DIAPH2: variants seen among roughly 807,000 people sequenced by gnomAD.
The protein encoded by DIAPH2 is protein diaphanous homolog 2.
A neutral mutation model predicts 92.7 loss-of-function variants in DIAPH2; 35 were observed. The observed-to-expected ratio is 0.38, with a 90% confidence interval of 0.29 to 0.50. DIAPH2 has a LOEUF of 0.50. Among genes scored for constraint, DIAPH2 ranks in the 20% least tolerant of loss-of-function variants. The pLI is 0.94. For synonymous variants in DIAPH2, 301 were observed against 280.4 expected, an observed-to-expected ratio of 1.07 and a Z score of -0.73; for missense variants, 701 against 819.5, an observed-to-expected ratio of 0.86 and a Z score of 1.77.
At chrX:97,476,015 G>C (rs763228257) in intron 26 of DIAPH2, among the ~76,000 whole-genome samples, 32 of 110,279 alleles carry the variant, frequency 2.9e-4, no homozygotes, top group African/African-American at 1.1e-3. Context: ...TTTAATTGGA[G>C]CTTTGTGTTG....
chrX:97,128,597 G>C (rs2067109766), intron 21 of DIAPH2, among the ~76,000 whole-genome samples: 1 of 111,895 alleles, frequency 8.9e-6, no homozygotes, highest in African/African-American at 3.3e-5. Context: ...CATACAGTTA[G>C]ATGAACTTTG....
intron 23 of DIAPH2, among the ~76,000 whole-genome samples, chrX:97,293,573 T>G (rs1181477962): frequency 8.9e-6 from 1 of 111,869 alleles, no homozygotes; most frequent in Admixed American, 9.6e-5. Context: ...TCTTTATTAT[T>G]ATTTTGTGTA....
chrX:96,699,224 T>C (rs1222690236), intron 1 of DIAPH2, among the ~76,000 whole-genome samples: 1 of 112,250 alleles, frequency 8.9e-6, no homozygotes, highest in East Asian at 2.8e-4. Flanking sequence ...CTTATCAATT[T>C]TTACAAATTC....
chrX:97,190,406 G>C lies in DIAPH2; in HGVS notation c.2719+48612G>C, dbSNP rs1043924841. On this transcript the variant is annotated intron_variant, in intron 22 of 26. Transcript: ENST00000324765. ...CAGAGTGGAGAGAATTTAAAAACATGTACCCTTAATAGGACCAATAGAGTT... is the reference window on the plus strand; with the variant it reads ...CAGAGTGGAGAGAATTTAAAAACATCTACCCTTAATAGGACCAATAGAGTT... Among the ~76,000 whole-genome samples, 3 of 112,575 alleles carry C rather than the reference G, an allele frequency of 2.7e-5. No homozygotes were observed. The South Asian group carries it at 1.1e-3, about 41-fold the overall frequency.
At chrX:97,284,958 A>G (rs1420873216) in intron 23 of DIAPH2, among the ~76,000 whole-genome samples, 1 of 111,876 alleles carries the variant, frequency 8.9e-6, no homozygotes, top group African/African-American at 3.2e-5. Context: ...AAGCCATTCT[A>G]TTTGTAATCT....
chrX:97,218,108 A>ATTTT (rs2067898402), intron 22 of DIAPH2, among the ~76,000 whole-genome samples: 1 of 101,776 alleles, frequency 9.8e-6, no homozygotes. Context: ...TTTTTTTTTG[A>ATTTT]GACAAGAGTC....
At chrX:96,710,349 G>A (rs969789866) in intron 1 of DIAPH2, among the ~76,000 whole-genome samples, 2 of 111,497 alleles carry the variant, frequency 1.8e-5, no homozygotes, top group Non-Finnish European at 3.8e-5. Context: ...AGGCTGTATC[G>A]AAAAAATAAT....
At chrX:97,337,534 G>A (rs1273477081) in intron 23 of DIAPH2, among the ~76,000 whole-genome samples, 3 of 111,496 alleles carry the variant, frequency 2.7e-5, no homozygotes, top group African/African-American at 9.8e-5. Flanking sequence ...CTTCCACCAT[G>A]ATTGTAAGTT....
intron 17 of DIAPH2, among the ~76,000 whole-genome samples, chrX:97,023,971 C>T (rs1021330794): frequency 5.4e-5 from 6 of 111,712 alleles, no homozygotes; most frequent in Non-Finnish European, 1.1e-4. Flanking sequence ...AATCAACAGG[C>T]ATTCAAAAAT....
intron 22 of DIAPH2, among the ~76,000 whole-genome samples, chrX:97,142,798 A>T (rs1275549309): frequency 8.9e-6 from 1 of 111,866 alleles, no homozygotes; most frequent in Non-Finnish European, 1.9e-5. Context: ...CGCTGAAGTA[A>T]TTTCATTCTG....
intron 22 of DIAPH2, among the ~76,000 whole-genome samples, chrX:97,207,186 T>G (rs1340042702): frequency 1.8e-5 from 2 of 111,886 alleles, no homozygotes; most frequent in East Asian, 5.6e-4. Context: ...TTTGCATGTT[T>G]TGTCTAATCG....
intron 4 of DIAPH2, among the ~76,000 whole-genome samples, chrX:96,865,993 T>C (rs2065102449): frequency 8.9e-6 from 1 of 112,262 alleles, no homozygotes; most frequent in African/African-American, 3.2e-5. Context: ...AGTTAAACAG[T>C]GGTCTTAAGT....
Position 97,178,898 on chromosome X carries a change from A to T in DIAPH2, c.2719+37104A>T, listed in dbSNP as rs774762905. On this transcript the variant is annotated intron_variant, in intron 22 of 26. Coordinates refer to ENST00000324765, the MANE Select transcript of DIAPH2 (RefSeq NM_006729.5). ...ACTCTTCTGCCATGTGAGGACACAG[A>T]TTTCATTCCTTCCCTAGCATACAAC... 1.7e-4 allele frequency among the ~76,000 whole-genome samples: 19 copies of T among 111,109 alleles called. No individual in the cohort carries two copies. In the South Asian group the frequency reaches 7.3e-3, roughly 43 times the overall value.
intron 1 of DIAPH2, among the ~76,000 whole-genome samples, chrX:96,733,087 G>A (rs944092063): frequency 1.8e-5 from 2 of 111,567 alleles, no homozygotes; most frequent in African/African-American, 6.5e-5. Flanking sequence ...TCTTTATTGA[G>A]CCTCAATGTG....
chrX:96,702,558 A>G (rs760531723), intron 1 of DIAPH2, among the ~76,000 whole-genome samples: 4 of 112,392 alleles, frequency 3.6e-5, no homozygotes, highest in Non-Finnish European at 7.5e-5. Flanking sequence ...AAGATAGGCA[A>G]TAGAAGAGAG....
chrX:96,883,207 ATTAC>A (rs2065231190), intron 5 of DIAPH2, among the ~76,000 whole-genome samples: 1 of 110,458 alleles, frequency 9.1e-6, no homozygotes, highest in Admixed American at 9.8e-5. Context: ...AAATATATTA[ATTAC>A]TTATTTATAG....
chrX:97,263,183 A>G (rs1297237296), intron 23 of DIAPH2, among the ~76,000 whole-genome samples: 5 of 112,180 alleles, frequency 4.5e-5, no homozygotes, highest in Middle Eastern at 4.6e-3. Context: ...TTTTTCCTCT[A>G]TCATAGCTGA....
At chrX:97,560,670 T>C (rs2147868874) in intron 26 of DIAPH2, among the ~76,000 whole-genome samples, 1 of 112,064 alleles carries the variant, frequency 8.9e-6, no homozygotes, top group Admixed American at 9.4e-5. Flanking sequence ...TTTTTGTATT[T>C]TTAGTAGAGA....
chrX:97,514,474 A>T (rs2070924505), intron 26 of DIAPH2, among the ~76,000 whole-genome samples: 1 of 113,062 alleles, frequency 8.8e-6, no homozygotes, highest in Non-Finnish European at 1.9e-5. Flanking sequence ...CGTAGCTCAG[A>T]GTAATTTGAT....
Sources: allele counts gnomAD v4.1 joint callset (sites outside exome capture counted in the v4.1 genomes callset), GRCh38; gene constraint gnomAD v4.1.1; transcripts MANE v1.5; gene names NCBI Gene and HGNC (gene_info 2026-07-23, HGNC 2026-07-21).